PDIA4: variants seen among roughly 807,000 people sequenced by gnomAD.
The protein encoded by PDIA4 is protein disulfide isomerase family A member 4.
A neutral mutation model predicts 62.1 loss-of-function variants in PDIA4; 33 were observed. That is an observed-to-expected ratio of 0.53 (90% confidence interval 0.40 to 0.71). The LOEUF is 0.71. PDIA4 is among the 30% of genes least tolerant of loss of function. The pLI is 0.00. For synonymous variants in PDIA4, 341 were observed against 324.1 expected (o/e 1.05, Z -0.56); for missense variants, 804 against 813.6 (o/e 0.99, Z 0.14).
chr7:149,015,038 A>G lies in PDIA4; in HGVS notation c.480T>C (p.Ile160=). The part of the protein sequence containing the change: ...DYEGSRTQEE[I]VAKVREVSQP... ...GGGAGACTTCTCTGACCTTGGCAAC[A>G]ATTTCTGAAAGAAACCAAGCAAGAC... Residue 160 remains isoleucine, a synonymous_variant, in exon 4 of 10, where the codon ATT becomes ATC. Transcript: ENST00000652332. 1 of 1,614,148 alleles carries G rather than the reference A, an allele frequency of 6.2e-7. No individual in the cohort carries two copies. Among genetic ancestry groups the G allele is most frequent in the East Asian group, 2.2e-5 (1 of 44,886 alleles).
At chr7:149,016,023 G>T (rs1252772013) in intron 3 of PDIA4, among the ~76,000 whole-genome samples, 8 of 152,348 alleles carry the variant, frequency 5.3e-5, no homozygotes. Context: ...TAGGCCAGGG[G>T]TGGTGGCTTG....
chr7:149,009,000 A>C (rs1823853911), intron 6 of PDIA4, among the ~76,000 whole-genome samples: 1 of 151,508 alleles, frequency 6.6e-6, no homozygotes, highest in Non-Finnish European at 1.5e-5. Flanking sequence ...ATTTCGGCTC[A>C]CTGCAGTCTC....
chr7:149,020,360 G>A (rs1171612295), intron 2 of PDIA4, among the ~76,000 whole-genome samples: 2 of 152,166 alleles, frequency 1.3e-5, no homozygotes, highest in Non-Finnish European at 2.9e-5. Flanking sequence ...GAAACAGAAA[G>A]GGCATGAGAC....
At chr7:149,005,601 G>A (rs1051874994) in intron 8 of PDIA4, among the ~76,000 whole-genome samples, 3 of 152,230 alleles carry the variant, frequency 2.0e-5, no homozygotes, top group African/African-American at 2.4e-5. Flanking sequence ...GCACGGCCAC[G>A]CCTGCCTGGG....
At chr7:149,026,333 A>G (rs940432883) in intron 1 of PDIA4, among the ~76,000 whole-genome samples, 1 of 151,832 alleles carries the variant, frequency 6.6e-6, no homozygotes, top group African/African-American at 2.4e-5. Flanking sequence ...ACATAGTGAG[A>G]CCCCATCTCT....
intron 1 of PDIA4, chr7:149,027,872 C>T (rs984790434): frequency 1.1e-5 from 5 of 475,754 alleles, no homozygotes; most frequent in Admixed American, 4.7e-5. Flanking sequence ...GGAATGCTTG[C>T]TGTTCCAAAG....
rs1207806829 is a variant in PDIA4, at chr7:149,005,209, T to C, written c.1454A>G (p.Lys485Arg). 1.2e-6 allele frequency: 2 copies of C among 1,614,022 alleles called. No individual in the cohort carries two copies. The highest frequency in any genetic ancestry group is 3.3e-5 in the Admixed American group (2 of 59,998). ...AAACTCCTCTGGCTCCATGGCGAAC[T>C]TCTTCCCACTCTCGTCCAGGATGGC... ...NAAILDESGK[K>R]FAMEPEEFDS... The change falls in exon 9 of 10, where the codon AAG becomes AGG. Residue 485 changes from lysine (K) to arginine (R), a missense_variant. Lys to Arg is a conservative substitution (Grantham distance 26, BLOSUM62 2). Coordinates refer to ENST00000652332, the MANE Select transcript of PDIA4 (RefSeq NM_004911.5).
intron 1 of PDIA4, among the ~76,000 whole-genome samples, chr7:149,024,525 T>C (rs1027633080): frequency 6.6e-6 from 1 of 151,920 alleles, no homozygotes; most frequent in Non-Finnish European, 1.5e-5. Flanking sequence ...AGAAAATACA[T>C]CCAGGGCCGG....
Position 149,019,065 on chromosome 7 carries a change from C to T in PDIA4, c.402G>A (p.Val134=). 6.2e-7 allele frequency: 1 copy of T among 1,613,734 alleles called. No homozygotes were observed. The highest frequency in any genetic ancestry group is 1.6e-4 in the Middle Eastern group (1 of 6,062). ...SASVLASRFD[V]SGYPTIKILK... ...GGATCTTGATGGTGGGGTAGCCACT[C>T]ACATCAAACCTGCTGGCCAGCACAG... Residue 134 remains valine, a synonymous_variant, in exon 3 of 10, where the codon GTG becomes GTA. Coordinates refer to ENST00000652332, the MANE Select transcript of PDIA4 (RefSeq NM_004911.5).
chr7:149,006,040 T>G lies in PDIA4; in HGVS notation c.1145A>C (p.Asp382Ala), dbSNP rs1823746231. The G allele has an allele frequency of 6.4e-7, 1 of 1,560,984 alleles. No homozygotes were observed. The highest frequency in any genetic ancestry group is 1.7e-4 in the Middle Eastern group (1 of 5,906). ...CAGCACGAAGTCCTTGATGGCCGAG[T>G]CCTGGGTGGAGCCCTGCTTCAAAGA... ...HMMDVQGSTQ[D>A]SAIKDFVLKY... is the part of the protein sequence containing the mutation. Residue 382 changes from aspartate (D) to alanine (A), a missense_variant, in exon 8 of 10, where the codon GAC becomes GCC. Asp to Ala is a moderately radical substitution (Grantham distance 126). Transcript: ENST00000652332.
chr7:149,012,337 G>A lies in PDIA4; in HGVS notation c.638C>T (p.Ala213Val). The A allele has an allele frequency of 1.2e-6, 2 of 1,613,464 alleles. No individual in the cohort carries two copies. Among genetic ancestry groups the A allele is most frequent in the Non-Finnish European group, 1.7e-6 (2 of 1,180,010 alleles). Reference protein sequence around the residue: ...APWCGHCKKLAPEYEKAAKEL... With the variant: ...APWCGHCKKLVPEYEKAAKEL... ...CTTGGCGGCCTTCTCATACTCGGGG[G>A]CAAGTTTCTTGCAGTGTCCACACCT... The change falls in exon 5 of 10, where the codon GCC (alanine) becomes GTC (valine). Residue 213 changes from alanine to valine, a missense_variant. Transcript: ENST00000652332.
chr7:149,017,201 G>A (rs570045977), intron 3 of PDIA4, among the ~76,000 whole-genome samples: 3 of 151,502 alleles, frequency 2.0e-5, no homozygotes, highest in South Asian at 4.2e-4. Context: ...AAATGCAGCC[G>A]CATCTTTTTT....
intron 4 of PDIA4, among the ~76,000 whole-genome samples, chr7:149,013,590 T>C (rs879299726): frequency 6.6e-5 from 10 of 152,024 alleles, no homozygotes; most frequent in South Asian, 6.2e-4. Context: ...GGCAGCACAA[T>C]TGAGCCCAGG....
intron 4 of PDIA4, 86 bp from the exon 5 acceptor site, chr7:149,012,446 G>C: frequency 1.7e-6 from 2 of 1,165,136 alleles, no homozygotes; most frequent in Non-Finnish European, 2.5e-6. Flanking sequence ...CCCATCCTGT[G>C]CTCCCTAGTA....
At chr7:149,015,458 A>T (rs1002476109) in intron 3 of PDIA4, among the ~76,000 whole-genome samples, 1 of 147,292 alleles carries the variant, frequency 6.8e-6, no homozygotes. Context: ...TTCACATCTA[A>T]TGTTACTATA....
intron 6 of PDIA4, among the ~76,000 whole-genome samples, chr7:149,009,936 C>T (rs1374032692): frequency 1.3e-5 from 2 of 152,206 alleles, no homozygotes; most frequent in Non-Finnish European, 2.9e-5. Flanking sequence ...CATTGGGTGT[C>T]ACCCTACCCT....
chr7:149,028,076 G>A, intron 1 of PDIA4: 1 of 625,846 alleles, frequency 1.6e-6, no homozygotes, highest in South Asian at 1.7e-5. Flanking sequence ...GTCTTCCAGG[G>A]CGTCGGAGCC....
chr7:149,006,817 C>T (rs776386859), intron 7 of PDIA4, among the ~76,000 whole-genome samples: 3 of 152,198 alleles, frequency 2.0e-5, no homozygotes, highest in Non-Finnish European at 4.4e-5. Context: ...GGCAGGAGGC[C>T]GTGGAGTCTT....
At chr7:149,009,023 T>C (rs538994255) in intron 6 of PDIA4, among the ~76,000 whole-genome samples, 1 of 150,150 alleles carries the variant, frequency 6.7e-6, no homozygotes, top group African/African-American at 2.4e-5. Context: ...TTTTCCAAGT[T>C]CAAGCCAATT....
Sources: allele counts gnomAD v4.1 joint callset (sites outside exome capture counted in the v4.1 genomes callset), GRCh38; gene constraint gnomAD v4.1.1; transcripts MANE v1.5; gene names NCBI Gene and HGNC (gene_info 2026-07-23, HGNC 2026-07-21).